The following CELF4 variants were observed in gnomAD, a reference collection of about 807,000 sequenced individuals.
CELF4 encodes the protein CUGBP Elav-like family member 4, also known as CUG-BP- and ETR-3-like factor 4.
CELF4 carries 18 observed loss-of-function variants against 59.9 expected under a neutral mutation model. That is an observed-to-expected ratio of 0.30 (90% CI 0.21 to 0.45). CELF4 has a LOEUF of 0.45. Ranked by LOEUF, CELF4 falls within the 20% of genes least tolerant of loss-of-function variation. The pLI is 1.00. For missense variants in CELF4, 456 were observed against 689.0 expected, an observed-to-expected ratio of 0.66 and a Z score of 3.79; for synonymous variants, 261 against 267.1, an observed-to-expected ratio of 0.98 and a Z score of 0.22.
chr18:37,336,060 C>T (rs529217087), intron 2 of CELF4, among the ~76,000 whole-genome samples: 2 of 152,186 alleles, frequency 1.3e-5, no homozygotes, highest in African/African-American at 2.4e-5. Context: ...TTCTTCGCAG[C>T]GCACTTCTGA....
At chr18:37,443,656 C>T (rs543993463) in intron 2 of CELF4, among the ~76,000 whole-genome samples, 1 of 152,196 alleles carries the variant, frequency 6.6e-6, no homozygotes, top group South Asian at 2.1e-4. Context: ...GCTTCCCTGC[C>T]CACATCTTCA....
intron 1 of CELF4, among the ~76,000 whole-genome samples, chr18:37,527,955 G>T (rs528050524): frequency 1.1e-4 from 17 of 152,300 alleles, no homozygotes; most frequent in African/African-American, 4.1e-4. Context: ...TAGGCTAGGA[G>T]AACTCATGGT....
At chr18:37,382,380 G>C (rs576775099) in intron 2 of CELF4, among the ~76,000 whole-genome samples, 1 of 152,328 alleles carries the variant, frequency 6.6e-6, no homozygotes, top group South Asian at 2.1e-4. Context: ...CAGGTCCAGA[G>C]AGGTTCAGAC....
At chr18:37,334,145 A>G (rs2097675798) in intron 2 of CELF4, among the ~76,000 whole-genome samples, 1 of 152,156 alleles carries the variant, frequency 6.6e-6, no homozygotes, top group Admixed American at 6.5e-5. Context: ...GGGCGTCGTA[A>G]TCCAGGATGG....
At chr18:37,391,608 G>A (rs1161946588) in intron 2 of CELF4, among the ~76,000 whole-genome samples, 3 of 152,198 alleles carry the variant, frequency 2.0e-5, no homozygotes, top group Non-Finnish European at 4.4e-5. Flanking sequence ...GCCTTCCCTT[G>A]GTTGTCTTGA....
intron 3 of CELF4, among the ~76,000 whole-genome samples, chr18:37,285,778 C>G (rs571104732): frequency 5.3e-5 from 8 of 152,176 alleles, no homozygotes; most frequent in Non-Finnish European, 8.8e-5. Flanking sequence ...GTAGAAGTCA[C>G]CTTTTGCTGG....
At chr18:37,296,805 G>A (rs1234727847) in intron 3 of CELF4, among the ~76,000 whole-genome samples, 3 of 152,196 alleles carry the variant, frequency 2.0e-5, no homozygotes, top group Non-Finnish European at 4.4e-5. Context: ...GTTTCCTAAA[G>A]GAAGCTGTTG....
intron 1 of CELF4, among the ~76,000 whole-genome samples, chr18:37,499,156 G>A (rs2099928597): frequency 6.7e-6 from 1 of 150,050 alleles, no homozygotes. Flanking sequence ...AGGCCAGCAT[G>A]TGTCGGGGCT....
At chr18:37,427,288 C>G (rs796560848) in intron 2 of CELF4, among the ~76,000 whole-genome samples, 30 of 152,260 alleles carry the variant, frequency 2.0e-4, no homozygotes, top group African/African-American at 7.2e-4. Flanking sequence ...TTCAATAGCC[C>G]AGGCAGGAAA....
intron 1 of CELF4, among the ~76,000 whole-genome samples, chr18:37,548,992 C>T (rs1351052407): frequency 2.6e-5 from 4 of 152,178 alleles, no homozygotes; most frequent in African/African-American, 7.2e-5. Context: ...ACATGCGGAC[C>T]GTCCACCGAA....
chr18:37,355,911 G>A (rs2154557199), intron 2 of CELF4, among the ~76,000 whole-genome samples: 1 of 152,276 alleles, frequency 6.6e-6, no homozygotes, highest in Non-Finnish European at 1.5e-5. Context: ...CTGCAGTGGG[G>A]ATACCTACAT....
At chr18:37,248,484 G>A (rs2063430888) in intron 12 of CELF4, among the ~76,000 whole-genome samples, 1 of 152,062 alleles carries the variant, frequency 6.6e-6, no homozygotes, top group Admixed American at 6.5e-5. Context: ...TCCCCTGCAG[G>A]GGGCACAGAG....
intron 1 of CELF4, among the ~76,000 whole-genome samples, chr18:37,508,578 G>A (rs2099940779): frequency 6.6e-6 from 1 of 152,234 alleles, no homozygotes; most frequent in South Asian, 2.1e-4. Context: ...TGCATAGGTA[G>A]GGCATGCCTG....
chr18:37,550,756 A>G (rs1351798733), intron 1 of CELF4, among the ~76,000 whole-genome samples: 2 of 152,308 alleles, frequency 1.3e-5, no homozygotes, highest in Admixed American at 1.3e-4. Flanking sequence ...CTCCCAGTAG[A>G]CAGAGGTGTC....
At position 37,310,154 on chromosome 18, in the gene CELF4, C is replaced by T. The variant is rs572309036; in HGVS notation, c.448+11649G>A. ...CATAGTTCACCAACTATGTTTCTCC[C>T]GTGGCAGCTCCGAAGGGGTGTCACC... On this transcript the variant is annotated intron_variant, in intron 3 of 12. Coordinates refer to ENST00000420428, the MANE Select transcript of CELF4 (RefSeq NM_020180.4). Among the ~76,000 whole-genome samples the T allele has an allele frequency of 6.2e-4, 94 of 152,098 alleles. 1 individual carries two copies. Among genetic ancestry groups the T allele is most frequent in the African/African-American group, 1.8e-3 (76 of 41,476 alleles).
chr18:37,357,651 T>C (rs924711090), intron 2 of CELF4, among the ~76,000 whole-genome samples: 1 of 152,082 alleles, frequency 6.6e-6, no homozygotes, highest in Non-Finnish European at 1.5e-5. Context: ...ACAGCTTGCA[T>C]AGTGTGCCTG....
intron 2 of CELF4, among the ~76,000 whole-genome samples, chr18:37,472,021 A>G (rs574396589): frequency 2.0e-5 from 3 of 152,334 alleles, no homozygotes; most frequent in East Asian, 3.9e-4. Flanking sequence ...AGGGTTTTCA[A>G]TCTTCTGGGT....
At chr18:37,554,999 C>G (rs1445400096) in intron 1 of CELF4, among the ~76,000 whole-genome samples, 2 of 152,182 alleles carry the variant, frequency 1.3e-5, no homozygotes, top group African/African-American at 4.8e-5. Flanking sequence ...AGGGCAGCAC[C>G]CTGAGTCCCT....
intron 2 of CELF4, among the ~76,000 whole-genome samples, chr18:37,335,505 G>A (rs2097736698): frequency 6.6e-6 from 1 of 152,034 alleles, no homozygotes; most frequent in Non-Finnish European, 1.5e-5. Flanking sequence ...GTGTGTGTGT[G>A]TGTGTGTGGA....
Sources: gnomAD v4.1 joint callset for allele counts (sites outside exome capture counted in the v4.1 genomes callset) on GRCh38, gnomAD v4.1.1 for gene constraint, MANE v1.5 for transcripts, NCBI Gene and HGNC (gene_info 2026-07-23, HGNC 2026-07-21) for gene names.